TTLL10: variants seen among roughly 807,000 people sequenced by gnomAD.
TTLL10 encodes tubulin tyrosine ligase like 10, also known as inactive polyglycylase TTLL10.
TTLL10 carries 61 observed loss-of-function variants against 69.0 expected under a neutral mutation model. The observed-to-expected ratio is 0.88, with a 90% CI of 0.72 to 1.09. The LOEUF (loss-of-function observed/expected upper bound fraction) is 1.09. Ranked by LOEUF, TTLL10 falls within the 50% of genes least tolerant of loss-of-function variation. The pLI, the probability that TTLL10 is intolerant of heterozygous loss-of-function variation, is 0.00. For synonymous variants in TTLL10, 408 were observed against 393.3 expected (o/e 1.04, Z -0.44); for missense variants, 962 against 945.9 (o/e 1.02, Z -0.22).
chr1:1,196,564 G>A (rs773903791), intron 13 of TTLL10, 36 bp from the exon 14 acceptor site: 24 of 1,497,614 alleles, frequency 1.6e-5, no homozygotes, highest in African/African-American at 8.3e-5. Flanking sequence ...CAGGGCCTAC[G>A]GGCCGCAGCC....
intron 4 of TTLL10, 93 bp from the exon 5 acceptor site, chr1:1,179,564 C>G (rs1646977874): frequency 6.5e-7 from 1 of 1,527,610 alleles, no homozygotes; most frequent in Non-Finnish European, 8.8e-7. Context: ...CTGGCACCAC[C>G]CCTGGAAGGG....
rs188047125 is a variant in TTLL10 at position 1,175,716 on chromosome 1, G to A, written c.-28+1227G>A. 33 of 457,040 alleles carry A rather than the reference G, an allele frequency of 7.2e-5. No individual in the cohort carries two copies. In the East Asian group the frequency reaches 1.2e-3, roughly 16 times the overall value. 28.3% of individuals were successfully genotyped at this position (457,040 alleles called of 1,614,324 possible). A position where few individuals can be genotyped will look rare whatever the true frequency, so the allele number is the denominator to read the frequency against. On this transcript the variant is annotated intron_variant, in intron 3 of 15. Coordinates refer to ENST00000379289, the MANE Select transcript of TTLL10 (RefSeq NM_001130045.2). Reference sequence around the variant, plus strand: ...AACTCCATCTTTGCAGCAACCCTGCGAGGCTGCTGCTCCCAGCTGCTGTGC... The same window carrying A: ...AACTCCATCTTTGCAGCAACCCTGCAAGGCTGCTGCTCCCAGCTGCTGTGC...
At chr1:1,179,822 C>T in intron 5 of TTLL10, 85 bp downstream of exon 5, 1 of 1,469,074 alleles carries the variant, frequency 6.8e-7, no homozygotes, top group South Asian at 1.4e-5. Context: ...GGAAGCCTGG[C>T]CCTGGAGGGT....
Position 1,197,748 on chromosome 1 carries a change from C to A in TTLL10, c.1923C>A (p.Gly641=). 1 of 1,535,408 alleles carries A rather than the reference C, an allele frequency of 6.5e-7. No individual in the cohort carries two copies. Among genetic ancestry groups the A allele is most frequent in the Non-Finnish European group, 8.7e-7 (1 of 1,142,990 alleles). The change falls in exon 16 of 16, where the codon GGC becomes GGA. Residue 641 remains glycine, a synonymous_variant. Coordinates refer to ENST00000379289, the MANE Select transcript of TTLL10 (RefSeq NM_001130045.2). Reference sequence around the variant, plus strand: ...ACGATGGGGAGCCCCAGGCCCCGGGCACGGAGCAGTCGGGCACAGGCAACA... The same window carrying A: ...ACGATGGGGAGCCCCAGGCCCCGGGAACGGAGCAGTCGGGCACAGGCAACA... ...SAHDGEPQAP[G]TEQSGTGNRH...
At chr1:1,190,958 T>C (rs927499379) in intron 13 of TTLL10, among the ~76,000 whole-genome samples, 1 of 152,202 alleles carries the variant, frequency 6.6e-6, no homozygotes. Flanking sequence ...CCCGAGTAGC[T>C]GGGATTACAG....
rs946527084 is a variant in TTLL10 at position 1,183,844 on chromosome 1, C to T, written c.1089-76C>T. 5.6e-5 allele frequency: 89 copies of T among 1,578,372 alleles called. No individual in the cohort carries two copies. In the East Asian group the frequency reaches 1.3e-3, roughly 23 times the overall value. Reference sequence around the variant, plus strand: ...GGGCGCTGAGGAAATGGAACAGGCCCGGGGTGGGGTGTGAGGGGATGCAGG... The same window carrying T: ...GGGCGCTGAGGAAATGGAACAGGCCTGGGGTGGGGTGTGAGGGGATGCAGG... On this transcript the variant is annotated intron_variant, in intron 11 of 15. Transcript: ENST00000379289.
chr1:1,177,212 G>A (rs1029268751), intron 3 of TTLL10, among the ~76,000 whole-genome samples: 1 of 151,918 alleles, frequency 6.6e-6, no homozygotes, highest in African/African-American at 2.4e-5. Flanking sequence ...GTGTCTGTGT[G>A]TGTAGGTGTG....
chr1:1,178,404 A>C (rs1646937897), intron 3 of TTLL10, among the ~76,000 whole-genome samples: 1 of 152,102 alleles, frequency 6.6e-6, no homozygotes, highest in African/African-American at 2.4e-5. Context: ...TACTAAAAAT[A>C]CAAAAAGTTA....
intron 3 of TTLL10, chr1:1,175,886 C>A: frequency 2.4e-6 from 1 of 408,894 alleles, no homozygotes; most frequent in South Asian, 1.7e-5. Context: ...TGGAGAGAGG[C>A]TGCCGCTGTG....
intron 10 of TTLL10, 141 bp downstream of exon 10, chr1:1,182,587 C>A: frequency 1.0e-6 from 1 of 960,178 alleles, no homozygotes; most frequent in South Asian, 1.4e-5. Flanking sequence ...CAGGAAGGGG[C>A]CAGGGCTGGG....
chr1:1,181,324 T>G lies in TTLL10; in HGVS notation c.756-417T>G, dbSNP rs991931367. 6.6e-6 allele frequency among the ~76,000 whole-genome samples: 1 copy of G among 151,668 alleles called. No homozygotes were observed. The highest frequency in any genetic ancestry group is 2.4e-5 in the African/African-American group (1 of 41,252). ...CACCGTGCCCACCGTCACCTGTGGG[T>G]GCCCTGAGTGAGGCCGTCCATCGCT... On this transcript the variant is annotated intron_variant, in intron 8 of 15. Coordinates refer to ENST00000379289, the MANE Select transcript of TTLL10 (RefSeq NM_001130045.2). The surrounding 1 kb of genome is among the most constrained non-coding windows in gnomAD (Gnocchi z 4.6).
Position 1,183,015 on chromosome 1 carries a change from G to C in TTLL10, c.1056G>C (p.Pro352=), listed in dbSNP as rs1414964549. 1 of 1,609,252 alleles carries C rather than the reference G, an allele frequency of 6.2e-7. No individual in the cohort carries two copies. The highest frequency in any genetic ancestry group is 8.5e-7 in the Non-Finnish European group (1 of 1,178,296). The change falls in exon 11 of 16, where the codon CCG becomes CCC. Residue 352 remains proline, a synonymous_variant. Transcript: ENST00000379289. ...MEDDPIHHKT[P]FRGPQARVVQ... ...ACGACCCCATCCACCACAAGACGCCGTTCCGGGGGCCTCAGGCGCGGGTGG... is the reference window on the plus strand; with the variant it reads ...ACGACCCCATCCACCACAAGACGCCCTTCCGGGGGCCTCAGGCGCGGGTGG...
At chr1:1,182,590 G>A (rs1557480114) in intron 10 of TTLL10, 144 bp downstream of exon 10, 2 of 944,876 alleles carry the variant, frequency 2.1e-6, no homozygotes, top group East Asian at 5.1e-5. Context: ...GAAGGGGCCA[G>A]GGCTGGGCCT....
At chr1:1,196,825 C>G (rs1333331926) in intron 14 of TTLL10, 109 bp downstream of exon 14, 2 of 870,928 alleles carry the variant, frequency 2.3e-6, no homozygotes, top group East Asian at 5.3e-5. Context: ...CAGTCAGCCC[C>G]CACCCTGCCT....
intron 3 of TTLL10, chr1:1,174,948 T>C (rs1646830168): frequency 6.6e-6 from 1 of 152,282 alleles, no homozygotes; most frequent in Non-Finnish European, 1.5e-5. Context: ...AAACCCTGTC[T>C]CTACTAAAAA....
At chr1:1,179,535 G>C in intron 4 of TTLL10, 122 bp from the exon 5 acceptor site, 1 of 1,474,718 alleles carries the variant, frequency 6.8e-7, no homozygotes, top group Non-Finnish European at 9.2e-7. Flanking sequence ...CGCGCTCCGC[G>C]GCCCAGGGTT....
intron 13 of TTLL10, among the ~76,000 whole-genome samples, chr1:1,196,150 T>A (rs891098291): frequency 6.6e-6 from 1 of 151,782 alleles, no homozygotes; most frequent in East Asian, 1.9e-4. Context: ...ATAATGACAA[T>A]TTTTTTTTAT....
At chr1:1,174,592 C>T (rs1361470572) in intron 3 of TTLL10, 103 bp downstream of exon 3, 1 of 152,244 alleles carries the variant, frequency 6.6e-6, no homozygotes, top group Non-Finnish European at 1.5e-5. Context: ...GTCCTCCACA[C>T]CGGGCGTCAC....
At chr1:1,180,450 C>T in intron 6 of TTLL10, 33 bp from the exon 7 acceptor site, 1 of 1,372,750 alleles carries the variant, frequency 7.3e-7, no homozygotes, top group Non-Finnish European at 1.0e-6. Flanking sequence ...CTTGCCTCGG[C>T]CCCCAGGTCA....
Sources: gnomAD v4.1 joint callset for allele counts (sites outside exome capture counted in the v4.1 genomes callset) on GRCh38, gnomAD v4.1.1 for gene constraint, Gnocchi (gnomAD v3.1) non-coding constraint, MANE v1.5 for transcripts, NCBI Gene and HGNC (gene_info 2026-07-23, HGNC 2026-07-21) for gene names.